ASIC2: variants seen among roughly 807,000 people sequenced by gnomAD.
ASIC2 encodes the protein acid sensing ion channel subunit 2, also known as acid-sensing ion channel 2.
In ASIC2, 25 loss-of-function variants were observed where a neutral mutation model predicts 57.3. The observed-to-expected ratio is 0.44, with a 90% confidence interval of 0.32 to 0.61. The LOEUF is 0.61. Ranked by LOEUF, ASIC2 falls within the 20% of genes least tolerant of loss-of-function variation. The pLI, the probability that ASIC2 is intolerant of heterozygous loss-of-function variation, is 0.06. For synonymous variants in ASIC2, 319 were observed against 307.5 expected, an observed-to-expected ratio of 1.04 and a Z score of -0.39; for missense variants, 641 against 738.1, an observed-to-expected ratio of 0.87 and a Z score of 1.52.
rs145077358 is a variant in ASIC2, at chr17:33,537,473, C to G, written c.556-425406G>C. On this transcript the variant is annotated intron_variant, in intron 1 of 9. Transcript: ENST00000359872. ...TGTTTACAAGTGAAATCTGCTGCTTCTACTGAAATGCACTTTGTGAGGGTG... is the reference window on the plus strand; with the variant it reads ...TGTTTACAAGTGAAATCTGCTGCTTGTACTGAAATGCACTTTGTGAGGGTG... Among the ~76,000 whole-genome samples the G allele has an allele frequency of 5.3e-5, 8 of 152,338 alleles. No homozygotes were observed. The East Asian group carries it at 1.5e-3, about 29-fold the overall frequency.
At chr17:33,708,061 C>A (rs573741874) in intron 1 of ASIC2, among the ~76,000 whole-genome samples, 1 of 152,296 alleles carries the variant, frequency 6.6e-6, no homozygotes, top group African/African-American at 2.4e-5. Flanking sequence ...AGAGAGCAAA[C>A]CTCCAGTCTC....
intron 1 of ASIC2, among the ~76,000 whole-genome samples, chr17:33,802,458 T>C (rs953365735): frequency 4.6e-5 from 7 of 152,182 alleles, no homozygotes; most frequent in African/African-American, 1.7e-4. Context: ...GATAGTGAAA[T>C]TTGAGAACAC....
At chr17:33,524,243 C>A (rs1315002304) in intron 1 of ASIC2, among the ~76,000 whole-genome samples, 1 of 152,160 alleles carries the variant, frequency 6.6e-6, no homozygotes, top group East Asian at 1.9e-4. Context: ...TTGTTGGGTT[C>A]CTTATATAGA....
At chr17:33,517,425 G>T (rs942544737) in intron 1 of ASIC2, among the ~76,000 whole-genome samples, 6 of 152,154 alleles carry the variant, frequency 3.9e-5, no homozygotes, top group Admixed American at 2.0e-4. Context: ...CTTTTGCTGC[G>T]TATTAAATTA....
chr17:33,411,141 A>G (rs1910645178), intron 1 of ASIC2, among the ~76,000 whole-genome samples: 1 of 152,244 alleles, frequency 6.6e-6, no homozygotes, highest in South Asian at 2.1e-4. Flanking sequence ...AGTTGATGCT[A>G]CAGACCACAA....
intron 1 of ASIC2, among the ~76,000 whole-genome samples, chr17:33,543,073 G>A (rs1915468826): frequency 6.8e-6 from 1 of 146,598 alleles, no homozygotes; most frequent in Admixed American, 6.9e-5. Context: ...ACTTATAGGT[G>A]GGAATTGAAC....
At chr17:33,642,207 A>AACCCCCC (rs1906589070) in intron 1 of ASIC2, among the ~76,000 whole-genome samples, 1 of 136,782 alleles carries the variant, frequency 7.3e-6, no homozygotes, top group Non-Finnish European at 1.6e-5. Flanking sequence ...GCAAAAGGAC[A>AACCCCCC]CCCCCCCCCC....
intron 1 of ASIC2, among the ~76,000 whole-genome samples, chr17:33,699,424 C>T (rs1375117171): frequency 6.6e-6 from 1 of 152,212 alleles, no homozygotes; most frequent in Non-Finnish European, 1.5e-5. Flanking sequence ...GGAGGAACAA[C>T]CACAGTCCAG....
At position 33,948,562 on chromosome 17, in the gene ASIC2, G is replaced by A. The variant is rs1855947; in HGVS notation, c.555+207416C>T. 1.1e-3 allele frequency among the ~76,000 whole-genome samples: 167 copies of A among 152,336 alleles called. No homozygotes were observed. In the East Asian group the frequency reaches 0.027, roughly 25 times the overall value. On this transcript the variant is annotated intron_variant, in intron 1 of 9. Transcript: ENST00000359872. ...AACGCCACCTGGCCTCTGACTGCAT[G>A]GTGCCATGGCCTCAAACACTAAGTC...
At chr17:34,101,062 T>C (rs546645187) in intron 1 of ASIC2, among the ~76,000 whole-genome samples, 18 of 152,338 alleles carry the variant, frequency 1.2e-4, no homozygotes, top group African/African-American at 4.3e-4. Flanking sequence ...CAAAAGTCCT[T>C]ATAAAATGCC....
intron 1 of ASIC2, among the ~76,000 whole-genome samples, chr17:33,496,817 C>T (rs1260980341): frequency 1.3e-5 from 2 of 151,964 alleles, no homozygotes; most frequent in Non-Finnish European, 1.5e-5. Flanking sequence ...AGGGTTTCAC[C>T]ATGTTGGCCA....
At chr17:33,683,836 C>G (rs554414557) in intron 1 of ASIC2, among the ~76,000 whole-genome samples, 1 of 152,328 alleles carries the variant, frequency 6.6e-6, no homozygotes, top group African/African-American at 2.4e-5. Context: ...TAGAAGGACA[C>G]AGTTACATCG....
At chr17:33,912,069 G>A (rs1478146157) in intron 1 of ASIC2, among the ~76,000 whole-genome samples, 1 of 148,318 alleles carries the variant, frequency 6.7e-6, no homozygotes, top group African/African-American at 2.5e-5. Flanking sequence ...GAACCCAGGA[G>A]GCAGAGGTTG....
intron 4 of ASIC2, among the ~76,000 whole-genome samples, chr17:33,026,814 C>T (rs1217116386): frequency 2.0e-5 from 3 of 152,006 alleles, no homozygotes; most frequent in African/African-American, 7.2e-5. Flanking sequence ...TTAAAGTCCA[C>T]CATGTTTTTT....
chr17:33,632,157 A>G (rs962586320), intron 1 of ASIC2, among the ~76,000 whole-genome samples: 2 of 152,168 alleles, frequency 1.3e-5, no homozygotes, highest in Non-Finnish European at 2.9e-5. Context: ...GGAAGATGAT[A>G]ATATTTACCA....
intron 1 of ASIC2, among the ~76,000 whole-genome samples, chr17:33,983,264 G>T (rs1905692382): frequency 6.6e-6 from 1 of 152,162 alleles, no homozygotes; most frequent in Non-Finnish European, 1.5e-5. Flanking sequence ...ACTAAGAAAA[G>T]AGTTAATTAT....
At chr17:34,107,094 G>T (rs1190197564) in intron 1 of ASIC2, among the ~76,000 whole-genome samples, 1 of 152,076 alleles carries the variant, frequency 6.6e-6, no homozygotes, top group Admixed American at 6.6e-5. Flanking sequence ...CATATTTAGA[G>T]ATATCTCCAG....
chr17:33,503,486 C>G (rs1914160659), intron 1 of ASIC2, among the ~76,000 whole-genome samples: 1 of 152,042 alleles, frequency 6.6e-6, no homozygotes, highest in South Asian at 2.1e-4. Flanking sequence ...GAAAATTAAC[C>G]AGGATATTGG....
At chr17:33,659,591 C>T (rs538496266) in intron 1 of ASIC2, among the ~76,000 whole-genome samples, 10 of 152,196 alleles carry the variant, frequency 6.6e-5, no homozygotes, top group East Asian at 1.9e-4. Context: ...ATACACCTGG[C>T]GGGGCGCGGT....
Sources: gnomAD v4.1 joint callset for allele counts (sites outside exome capture counted in the v4.1 genomes callset) on GRCh38, gnomAD v4.1.1 for gene constraint, MANE v1.5 for transcripts, NCBI Gene and HGNC (gene_info 2026-07-23, HGNC 2026-07-21) for gene names.